MZT2A: variants seen among roughly 807,000 people sequenced by gnomAD.
MZT2A encodes mitotic spindle organizing protein 2A.
Under a neutral mutation model 12.4 loss-of-function variants are expected in MZT2A, and 8 were observed. The ratio of observed to expected loss-of-function variants is 0.64; its 90% CI spans 0.38 to 1.16. The LOEUF is 1.16. Among genes scored for constraint, MZT2A ranks in the 50% most tolerant of loss-of-function variants. MZT2A has a pLI of 0.01. For synonymous variants in MZT2A, 88 were observed against 107.5 expected (o/e 0.82, Z 1.12); for missense variants, 181 against 223.6 (o/e 0.81, Z 1.22).
intron 2 of MZT2A, among the ~76,000 whole-genome samples, chr2:131,475,444 C>T (rs1217780914): frequency 6.7e-6 from 1 of 149,856 alleles, no homozygotes; most frequent in Non-Finnish European, 1.5e-5. Flanking sequence ...ATTCTCCTAC[C>T]TCAGCCTCCC....
intron 1 of MZT2A, 31 bp downstream of exon 1, chr2:131,492,176 C>G: frequency 6.5e-7 from 1 of 1,536,818 alleles, no homozygotes. Context: ...GGGTGTCTGG[C>G]GAGCATGCGG....
At chr2:131,475,110 G>A (rs1252709066) in intron 2 of MZT2A, among the ~76,000 whole-genome samples, 8 of 149,760 alleles carry the variant, frequency 5.3e-5, no homozygotes, top group East Asian at 2.0e-4. Flanking sequence ...ACAGGCATGC[G>A]CCACCGTGCC....
At chr2:131,488,756 TG>T (rs1679160820) in intron 2 of MZT2A, among the ~76,000 whole-genome samples, 1 of 151,468 alleles carries the variant, frequency 6.6e-6, no homozygotes, top group Non-Finnish European at 1.5e-5. Context: ...TCTATCCCCA[TG>T]GGGCCTCGGT....
At chr2:131,475,021 C>T (rs780696517) in intron 2 of MZT2A, among the ~76,000 whole-genome samples, 4 of 151,968 alleles carry the variant, frequency 2.6e-5, no homozygotes, top group Admixed American at 1.3e-4. Flanking sequence ...AGTGCAGTGG[C>T]GTGATCTCAG....
intron 3 of MZT2A, among the ~76,000 whole-genome samples, chr2:131,471,691 C>T (rs1024978036): frequency 7.3e-5 from 11 of 150,634 alleles, no homozygotes; most frequent in African/African-American, 2.7e-4. Flanking sequence ...TCAGGCGCAG[C>T]GTGTCACTGC....
upstream of MZT2A, chr2:131,492,670 T>A: frequency 8.0e-7 from 1 of 1,250,848 alleles, no homozygotes; most frequent in Non-Finnish European, 1.0e-6. Context: ...CTCGCTTAGG[T>A]GGCAGCACCC....
intron 2 of MZT2A, chr2:131,489,681 T>G: frequency 1.0e-5 from 2 of 195,784 alleles, no homozygotes; most frequent in Non-Finnish European, 1.9e-5. Flanking sequence ...CCTGGCTAGT[T>G]TTTGTATTTT....
chr2:131,487,373 C>G (rs1679091546), intron 2 of MZT2A, among the ~76,000 whole-genome samples: 2 of 151,994 alleles, frequency 1.3e-5, no homozygotes, highest in South Asian at 4.1e-4. Flanking sequence ...CCCAGCTACT[C>G]AAGAGGAGGT....
intron 2 of MZT2A, 87 bp from the exon 3 acceptor site, chr2:131,484,305 T>G: frequency 1.3e-6 from 2 of 1,561,226 alleles, no homozygotes; most frequent in Non-Finnish European, 1.7e-6. Context: ...GGGCAACATT[T>G]GTGTCTACAC....
rs373460031 is a variant in MZT2A at position 131,476,330 on chromosome 2, G to A, written c.279-4148C>T. The A allele has an allele frequency of 1.3e-5, 20 of 1,498,154 alleles. No homozygotes were observed. In the African/African-American group the frequency reaches 1.6e-4, roughly 12 times the overall value. The allele number at this position is 1,498,154 out of a possible 1,614,324, so 92.8% of individuals were successfully genotyped here. ...CAGAGAAGGACGCAGGGTCTAGTGC[G>A]GGACAGGAGGACACGGGATCGTTTC... is the stretch of plus-strand genomic sequence containing the variant. On this transcript the variant is annotated intron_variant and NMD_transcript_variant, in intron 2 of 4. Transcript: ENST00000427024.
upstream of MZT2A, chr2:131,492,490 C>G (rs569731022): frequency 2.6e-4 from 297 of 1,131,952 alleles, no homozygotes; most frequent in African/African-American, 1.9e-3. Flanking sequence ...CTGGCGGGAG[C>G]GGCGGGAGCG....
chr2:131,479,606 A>G, downstream of MZT2A: 3 of 1,443,376 alleles, frequency 2.1e-6, no homozygotes, highest in Non-Finnish European at 1.9e-6. Context: ...TTGGGAGGCT[A>G]AAGCGGGTGG....
intron 2 of MZT2A, chr2:131,476,292 G>A (rs1436065451): frequency 1.1e-4 from 175 of 1,600,222 alleles, no homozygotes; most frequent in South Asian, 2.2e-5. Flanking sequence ...GGGCCTGGGC[G>A]CTGAGAGGAG....
intron 2 of MZT2A, chr2:131,491,488 A>C: frequency 2.7e-6 from 1 of 367,366 alleles, no homozygotes; most frequent in Non-Finnish European, 5.0e-6. Flanking sequence ...ACTGGTCTCA[A>C]ACTCATGGCC....
rs202202647 is a variant in MZT2A, at chr2:131,485,978, TC to T, written c.320-1761del. Among the ~76,000 whole-genome samples, 1,049 of 151,838 alleles carry T rather than the reference TC, an allele frequency of 6.9e-3. 13 individuals carry two copies. Among genetic ancestry groups the T allele is most frequent in the African/African-American group, 0.023 (950 of 41,202 alleles). On this transcript the variant is annotated intron_variant, in intron 2 of 2. Transcript: ENST00000309451. ...GATAGGACGGCCCTCCTTATGAGTTTCCGGGGAGTTCTTCCTCAGAGAATGA... is the reference window on the plus strand; with the variant it reads ...GATAGGACGGCCCTCCTTATGAGTTTCGGGGAGTTCTTCCTCAGAGAATGA...
At chr2:131,481,294 G>T (rs1474112564), downstream of MZT2A, among the ~76,000 whole-genome samples, 4 of 150,750 alleles carry the variant, frequency 2.7e-5, no homozygotes, top group African/African-American at 7.3e-5. Context: ...TTTGAGACAG[G>T]GTCTTGCTTT....
chr2:131,482,506 G>C, downstream of MZT2A: 2 of 1,549,520 alleles, frequency 1.3e-6, no homozygotes, highest in Non-Finnish European at 1.7e-6. Flanking sequence ...CCATTTCTAG[G>C]TTTGATATAA....
intron 2 of MZT2A, among the ~76,000 whole-genome samples, chr2:131,477,041 T>TC (rs1678699278): frequency 6.7e-6 from 1 of 149,904 alleles, no homozygotes; most frequent in African/African-American, 2.5e-5. Context: ...TTCTTTCTTT[T>TC]TTTTTTTTGA....
intron 2 of MZT2A, among the ~76,000 whole-genome samples, chr2:131,474,246 C>G (rs930347848): frequency 6.6e-6 from 1 of 151,682 alleles, no homozygotes; most frequent in Admixed American, 6.6e-5. Flanking sequence ...TGCAGGCACC[C>G]GCCGCCACGC....
Sources: gnomAD v4.1 joint callset for allele counts (sites outside exome capture counted in the v4.1 genomes callset) on GRCh38, gnomAD v4.1.1 for gene constraint, MANE v1.5 for transcripts, NCBI Gene and HGNC (gene_info 2026-07-23, HGNC 2026-07-21) for gene names.